TTC27: variants seen among roughly 807,000 people sequenced by gnomAD.
The protein encoded by TTC27 is tetratricopeptide repeat protein 27.
A neutral mutation model predicts 115.9 loss-of-function variants in TTC27; 79 were observed. The observed-to-expected ratio is 0.68, with a 90% CI of 0.57 to 0.82. TTC27 has a LOEUF of 0.82. Among genes scored for constraint, TTC27 ranks in the 40% least tolerant of loss-of-function variants. The probability of loss-of-function intolerance (pLI) is 0.00; values close to 1 mark genes in which losing one functional copy is unlikely to be tolerated. For synonymous variants in TTC27, 401 were observed against 356.0 expected (o/e 1.13, Z -1.42); for missense variants, 1,054 against 993.1 (o/e 1.06, Z -0.82).
chr2:32,674,609 G>A (rs1037480238), intron 8 of TTC27, among the ~76,000 whole-genome samples: 1 of 151,370 alleles, frequency 6.6e-6, no homozygotes, highest in Non-Finnish European at 1.5e-5. Flanking sequence ...ACAGAGTTCT[G>A]TTTCTAAAGC....
chr2:32,757,775 C>T (rs1483760513), intron 12 of TTC27, among the ~76,000 whole-genome samples: 3 of 152,132 alleles, frequency 2.0e-5, no homozygotes, highest in East Asian at 1.9e-4. Context: ...TCACTGCAAC[C>T]TCCACCTCCT....
At chr2:32,714,153 G>GGC (rs1667676237) in intron 10 of TTC27, among the ~76,000 whole-genome samples, 1 of 144,534 alleles carries the variant, frequency 6.9e-6, no homozygotes, top group East Asian at 2.1e-4. Flanking sequence ...GCGCACCCCC[G>GGC]CCCCCCCGCC....
At chr2:32,741,689 AC>A (rs1668652927) in intron 12 of TTC27, among the ~76,000 whole-genome samples, 1 of 151,960 alleles carries the variant, frequency 6.6e-6, no homozygotes, top group Non-Finnish European at 1.5e-5. Context: ...CAACAAAAAA[AC>A]AGCTGTTGCC....
intron 13 of TTC27, among the ~76,000 whole-genome samples, chr2:32,762,899 C>G (rs1193215385): frequency 1.3e-5 from 2 of 152,184 alleles, no homozygotes; most frequent in Admixed American, 6.5e-5. Flanking sequence ...CTCGGTCTCC[C>G]AAAGTGCTGG....
chr2:32,638,935 A>G (rs1007778297), intron 3 of TTC27, among the ~76,000 whole-genome samples: 1 of 151,578 alleles, frequency 6.6e-6, no homozygotes, highest in Admixed American at 6.6e-5. Flanking sequence ...TGGGTTCACA[A>G]CATTCTCCTG....
At chr2:32,681,980 A>ATGTGTG (rs70938359) in intron 9 of TTC27, among the ~76,000 whole-genome samples, 1,447 of 89,904 alleles carry the variant, frequency 0.016, 59 homozygotes, top group Admixed American at 0.11. Context: ...ATGTATATAT[A>ATGTGTG]TGTGTGTGTG....
At position 32,664,380 on chromosome 2, in the gene TTC27, G is replaced by C. The variant is rs568909636; in HGVS notation, c.718G>C (p.Val240Leu). The C allele has an allele frequency of 3.1e-6, 5 of 1,612,718 alleles. No homozygotes were observed. In the East Asian group the frequency reaches 8.9e-5, roughly 29 times the overall value. The change falls in exon 6 of 20, where the codon GTG becomes CTG. Residue 240 changes from valine (V) to leucine (L), a missense_variant. Physicochemically the swap from Val to Leu is conservative, Grantham distance 32. Transcript: ENST00000317907. ...AIQFHLECAYVFLYYYEYRKA... is the reference protein window; with the variant it reads ...AIQFHLECAYLFLYYYEYRKA... The stretch of plus-strand genomic sequence containing the variant: ...TCAATTCCATCTGGAATGTGCATAT[G>C]TGTTTTTATATTATTATGAGTACAG...
chr2:32,646,798 T>G (rs1664880640), intron 4 of TTC27, among the ~76,000 whole-genome samples: 1 of 151,078 alleles, frequency 6.6e-6, no homozygotes, highest in African/African-American at 2.4e-5. Context: ...CTCCTGACCT[T>G]GTGATCCGCC....
chr2:32,702,832 G>A lies in TTC27; in HGVS notation c.1145G>A (p.Trp382Ter). Residue 382 changes from tryptophan (W) to a stop codon, truncating the protein, a stop_gained, in exon 10 of 20, where the codon TGG becomes TAG. Coordinates refer to ENST00000317907, the MANE Select transcript of TTC27 (RefSeq NM_017735.5). LOFTEE classifies it high-confidence loss of function. ...TSCLLSQPKF[W>*]AIQTSALILR... ...TGTTTGCTTTCACAACCAAAGTTCT[G>A]GGCCATTCAGACATCAGCCTTGATC... The A allele has an allele frequency of 6.2e-7, 1 of 1,613,638 alleles. No homozygotes were observed. The highest frequency in any genetic ancestry group is 2.2e-5 in the East Asian group (1 of 44,856).
chr2:32,714,460 G>A (rs1381765636), intron 10 of TTC27, among the ~76,000 whole-genome samples: 4 of 151,918 alleles, frequency 2.6e-5, no homozygotes. Flanking sequence ...ACCTGGCCAG[G>A]CCTACCCCAT....
At chr2:32,710,723 C>T (rs771120383) in intron 10 of TTC27, among the ~76,000 whole-genome samples, 2 of 151,914 alleles carry the variant, frequency 1.3e-5, no homozygotes, top group African/African-American at 4.8e-5. Context: ...GCCACCACGC[C>T]CAGCCTGTAT....
chr2:32,734,297 C>T (rs1219383238), intron 11 of TTC27, among the ~76,000 whole-genome samples: 1 of 151,860 alleles, frequency 6.6e-6, no homozygotes, highest in African/African-American at 2.4e-5. Flanking sequence ...GCCTTGAACC[C>T]CTGGGCTTAA....
chr2:32,814,703 T>C (rs1486461606), intron 18 of TTC27, among the ~76,000 whole-genome samples: 1 of 152,216 alleles, frequency 6.6e-6, no homozygotes, highest in African/African-American at 2.4e-5. Flanking sequence ...ATACTTACCA[T>C]TGTGTTCTGA....
chr2:32,750,767 G>A (rs1668983086), intron 12 of TTC27, among the ~76,000 whole-genome samples: 1 of 152,196 alleles, frequency 6.6e-6, no homozygotes, highest in Non-Finnish European at 1.5e-5. Flanking sequence ...TTTAATAGAT[G>A]AATTCCTTAG....
chr2:32,682,347 T>C (rs1366912448), intron 9 of TTC27, among the ~76,000 whole-genome samples: 1 of 152,086 alleles, frequency 6.6e-6, no homozygotes, highest in African/African-American at 2.4e-5. Context: ...ACAGAAGACT[T>C]TACTTGAGGA....
intron 12 of TTC27, among the ~76,000 whole-genome samples, chr2:32,742,688 T>G (rs529286637): frequency 3.3e-5 from 5 of 152,192 alleles, no homozygotes; most frequent in Non-Finnish European, 7.3e-5. Context: ...GGAAACGTGC[T>G]TTGGAGTTCT....
chr2:32,630,694 C>A lies in TTC27; in HGVS notation c.260C>A (p.Thr87Lys). 6.3e-7 allele frequency: 1 copy of A among 1,598,272 alleles called. No individual in the cohort carries two copies. The highest frequency in any genetic ancestry group is 8.5e-7 in the Non-Finnish European group (1 of 1,174,798). Residue 87 changes from threonine (T) to lysine (K), a missense_variant, in exon 2 of 20, where the codon ACG becomes AAG. Thr to Lys is a moderately conservative substitution (Grantham distance 78). Transcript: ENST00000317907. The part of the protein sequence containing the change: ...FLDYSTDLDT[T>K]ERQQLIFLLG... Reference sequence around the variant, plus strand: ...GATTACTCAACAGATTTGGACACAACGGAAAGGTAGAATTTTATTTGAAAT... The same window carrying A: ...GATTACTCAACAGATTTGGACACAAAGGAAAGGTAGAATTTTATTTGAAAT...
chr2:32,770,883 A>T (rs1406194008), intron 13 of TTC27, among the ~76,000 whole-genome samples: 6 of 152,238 alleles, frequency 3.9e-5, no homozygotes, highest in African/African-American at 1.2e-4. Context: ...TGGAACTCAC[A>T]TTCCAATAGG....
At chr2:32,706,842 C>T (rs1293277338) in intron 10 of TTC27, among the ~76,000 whole-genome samples, 2 of 152,202 alleles carry the variant, frequency 1.3e-5, no homozygotes, top group African/African-American at 2.4e-5. Context: ...GGATTACAGG[C>T]GTGAGCCACT....
Sources: gnomAD v4.1 joint callset for allele counts (sites outside exome capture counted in the v4.1 genomes callset) on GRCh38, gnomAD v4.1.1 for gene constraint, MANE v1.5 for transcripts, NCBI Gene and HGNC (gene_info 2026-07-23, HGNC 2026-07-21) for gene names.